Variants in ADAMTSL2 observed in about 807,000 individuals in gnomAD.
The protein encoded by ADAMTSL2 is ADAMTS-like protein 2.
A neutral mutation model predicts 117.0 loss-of-function variants in ADAMTSL2; 55 were observed. The observed-to-expected ratio is 0.47, with a 90% CI of 0.38 to 0.59. The LOEUF (loss-of-function observed/expected upper bound fraction) is 0.59, where lower values mean the gene tolerates loss of function less well. ADAMTSL2 is among the 20% of genes least tolerant of loss of function. The pLI, the probability that ADAMTSL2 is intolerant of heterozygous loss-of-function variation, is 0.00. For missense variants in ADAMTSL2, 1,182 were observed against 1,354.5 expected, an observed-to-expected ratio of 0.87 and a Z score of 2.00; for synonymous variants, 572 against 566.4, an observed-to-expected ratio of 1.01 and a Z score of -0.14.
At position 133,544,469 on chromosome 9, in the gene ADAMTSL2, G is replaced by A; in HGVS notation, c.683-1G>A. ...GCTCACTGTCATCCTTTTGCCTCCAGGTTACTCTCTGGTGACCCACATCCC... is the reference window on the plus strand; with the variant it reads ...GCTCACTGTCATCCTTTTGCCTCCAAGTTACTCTCTGGTGACCCACATCCC... On this transcript the variant is annotated splice_acceptor_variant, in intron 7 of 18. Transcript: ENST00000651351. LOFTEE classifies it high-confidence loss of function. 6.2e-7 allele frequency: 1 copy of A among 1,613,890 alleles called. No individual in the cohort carries two copies. Among genetic ancestry groups the A allele is most frequent in the Non-Finnish European group, 8.5e-7 (1 of 1,179,762 alleles).
At chr9:133,534,626 A>G, upstream of ADAMTSL2, 1 of 1,276,144 alleles carries the variant, frequency 7.8e-7, no homozygotes, top group South Asian at 2.7e-5. Context: ...CGGGCGGGGG[A>G]GCGGCCTGGT....
Sources: gnomAD v4.1 joint callset for allele counts on GRCh38, gnomAD v4.1.1 for gene constraint, MANE v1.5 for transcripts, NCBI Gene and HGNC (gene_info 2026-07-23, HGNC 2026-07-21) for gene names.